Variants in TOX observed in about 807,000 individuals in gnomAD.
The protein encoded by TOX is thymocyte selection associated high mobility group box, also known as thymocyte selection-associated high mobility group box protein TOX.
Under a neutral mutation model 53.7 loss-of-function variants are expected in TOX, and 11 were observed. The ratio of observed to expected loss-of-function variants is 0.20; its 90% CI spans 0.13 to 0.34. TOX has a LOEUF of 0.34. Among genes scored for constraint, TOX ranks in the 10% least tolerant of loss-of-function variants. TOX has a pLI of 1.00. For synonymous variants in TOX, 225 were observed against 245.3 expected (o/e 0.92, Z 0.77); for missense variants, 570 against 664.6 (o/e 0.86, Z 1.56).
chr8:58,940,166 T>C (rs778311456), intron 2 of TOX, among the ~76,000 whole-genome samples: 6 of 152,214 alleles, frequency 3.9e-5, no homozygotes, highest in Non-Finnish European at 8.8e-5. Flanking sequence ...GAAGATTACT[T>C]TTATGATTTC....
intron 1 of TOX, among the ~76,000 whole-genome samples, chr8:59,041,092 G>T (rs1374809126): frequency 6.6e-6 from 1 of 151,808 alleles, no homozygotes; most frequent in Non-Finnish European, 1.5e-5. Flanking sequence ...GTGTGTGTGT[G>T]TGTGTGTGTG....
At chr8:58,856,373 G>A (rs1375571577) in intron 3 of TOX, among the ~76,000 whole-genome samples, 1 of 151,578 alleles carries the variant, frequency 6.6e-6, no homozygotes, top group East Asian at 2.0e-4. Context: ...TCCCTCTTGA[G>A]ATATCTTTTA....
chr8:59,102,435 C>T (rs1426091949), intron 1 of TOX, among the ~76,000 whole-genome samples: 1 of 152,086 alleles, frequency 6.6e-6, no homozygotes, highest in African/African-American at 2.4e-5. Flanking sequence ...ACCATGTTGG[C>T]CAGGCTGATC....
intron 1 of TOX, among the ~76,000 whole-genome samples, chr8:58,993,504 C>T (rs1050744622): frequency 2.0e-5 from 3 of 152,200 alleles, no homozygotes; most frequent in African/African-American, 4.8e-5. Context: ...TTCTCATCTA[C>T]ATGGTACAGG....
chr8:59,045,948 C>T (rs1457658352), intron 1 of TOX, among the ~76,000 whole-genome samples: 1 of 152,202 alleles, frequency 6.6e-6, no homozygotes, highest in East Asian at 1.9e-4. Context: ...GTGGCACCAA[C>T]AAAGTCACTC....
intron 1 of TOX, among the ~76,000 whole-genome samples, chr8:59,081,927 AT>A (rs1350097384): frequency 6.6e-6 from 1 of 152,198 alleles, no homozygotes; most frequent in African/African-American, 2.4e-5. Context: ...ATATTTCTTC[AT>A]TTTCCCACAA....
At chr8:58,861,599 G>A (rs937721697) in intron 3 of TOX, among the ~76,000 whole-genome samples, 1 of 152,172 alleles carries the variant, frequency 6.6e-6, no homozygotes, top group Admixed American at 6.5e-5. Context: ...AAAGGATTGT[G>A]TGCATTGAAA....
At chr8:58,943,963 C>G (rs928369345) in intron 2 of TOX, among the ~76,000 whole-genome samples, 1 of 152,188 alleles carries the variant, frequency 6.6e-6, no homozygotes, top group Non-Finnish European at 1.5e-5. Context: ...CATATTAACT[C>G]AAGGTAAATT....
At chr8:58,932,161 C>T (rs937553012) in intron 3 of TOX, among the ~76,000 whole-genome samples, 2 of 151,904 alleles carry the variant, frequency 1.3e-5, no homozygotes, top group Admixed American at 6.6e-5. Flanking sequence ...CCAACCAACC[C>T]GCATATTTAT....
At chr8:59,043,001 A>G (rs1476152665) in intron 1 of TOX, among the ~76,000 whole-genome samples, 1 of 152,142 alleles carries the variant, frequency 6.6e-6, no homozygotes. Context: ...TATTATTAAT[A>G]TAGTCACCAT....
At chr8:59,043,590 G>C (rs577718880) in intron 1 of TOX, among the ~76,000 whole-genome samples, 1 of 152,270 alleles carries the variant, frequency 6.6e-6, no homozygotes, top group South Asian at 2.1e-4. Context: ...GTGTTCCATA[G>C]TGTTTCAAAC....
intron 3 of TOX, among the ~76,000 whole-genome samples, chr8:58,865,818 T>C (rs1370815364): frequency 2.7e-5 from 4 of 149,882 alleles, no homozygotes; most frequent in African/African-American, 7.4e-5. Context: ...ATTATGGTAA[T>C]GACAGTGGCT....
intron 1 of TOX, among the ~76,000 whole-genome samples, chr8:59,092,329 T>C (rs866629511): frequency 1.8e-5 from 2 of 110,598 alleles, no homozygotes; most frequent in African/African-American, 1.1e-4. Flanking sequence ...ATATATATAT[T>C]ATATATTATA....
chr8:58,931,633 C>G (rs1402344565), intron 3 of TOX, among the ~76,000 whole-genome samples: 2 of 152,196 alleles, frequency 1.3e-5, no homozygotes, highest in African/African-American at 4.8e-5. Context: ...TAAGCACAAA[C>G]AGGCTACCAA....
intron 3 of TOX, among the ~76,000 whole-genome samples, chr8:58,922,359 GTATA>G (rs1283570773): frequency 6.6e-6 from 1 of 152,192 alleles, no homozygotes; most frequent in Admixed American, 6.5e-5. Flanking sequence ...GTGTTTGCGT[GTATA>G]TATTGAAATG....
At chr8:58,953,288 G>T (rs1340104354) in intron 2 of TOX, among the ~76,000 whole-genome samples, 1 of 152,116 alleles carries the variant, frequency 6.6e-6, no homozygotes, top group Non-Finnish European at 1.5e-5. Context: ...TATCCATACA[G>T]CTCTTAAGAC....
chr8:58,839,602 C>T (rs185818160), intron 4 of TOX, among the ~76,000 whole-genome samples: 2 of 152,240 alleles, frequency 1.3e-5, no homozygotes, highest in East Asian at 1.9e-4. Flanking sequence ...GATTTCTTTC[C>T]GGCTCTAAAA....
intron 2 of TOX, among the ~76,000 whole-genome samples, chr8:58,939,978 C>T (rs1210207292): frequency 1.3e-5 from 2 of 152,154 alleles, no homozygotes; most frequent in Admixed American, 6.5e-5. Context: ...AAGTTCTGGG[C>T]AATTGCTTTT....
chr8:58,942,930 C>T (rs1812466050), intron 2 of TOX, among the ~76,000 whole-genome samples: 1 of 152,190 alleles, frequency 6.6e-6, no homozygotes, highest in Admixed American at 6.5e-5. Context: ...TCACCTTCCA[C>T]CACCAGTAGA....
Sources: allele counts gnomAD v4.1 joint callset (sites outside exome capture counted in the v4.1 genomes callset), GRCh38; gene constraint gnomAD v4.1.1; transcripts MANE v1.5; gene names NCBI Gene and HGNC (gene_info 2026-07-23, HGNC 2026-07-21).